CIMIP2C: variants seen among roughly 807,000 people sequenced by gnomAD.
The protein encoded by CIMIP2C is ciliary microtubule inner protein 2C, also known as UPF0573 protein C2orf70.
At chr2:26,568,950 G>T in the CIMIP2C span, among the ~76,000 whole-genome samples, 1 of 151,576 alleles carries the variant, frequency 6.6e-6, no homozygotes, top group Non-Finnish European at 1.5e-5. Flanking sequence ...GAACCCGGGA[G>T]ATGGAGGTTG....
At chr2:26,575,793 G>T in the CIMIP2C span, 1 of 1,350,254 alleles carries the variant, frequency 7.4e-7, no homozygotes, top group Non-Finnish European at 1.0e-6. Flanking sequence ...CAACATGCTG[G>T]GATTACAGGC....
the CIMIP2C span, among the ~76,000 whole-genome samples, chr2:26,568,850 G>A: frequency 3.3e-5 from 5 of 151,930 alleles, no homozygotes; most frequent in Non-Finnish European, 5.9e-5. Context: ...GCAAAACCCC[G>A]TCTCTACTAA....
chr2:26,572,732 T>G, the CIMIP2C span, among the ~76,000 whole-genome samples: 1 of 152,056 alleles, frequency 6.6e-6, no homozygotes, highest in Admixed American at 6.6e-5. Context: ...GCCGGCCTCC[T>G]CCCCACGGGC....
the CIMIP2C span, chr2:26,577,565 C>T: frequency 6.2e-7 from 1 of 1,614,158 alleles, no homozygotes; most frequent in Admixed American, 1.7e-5. Context: ...GGCACAGTGC[C>T]TCGAGTCCCC....
At chr2:26,574,922 G>A in the CIMIP2C span, among the ~76,000 whole-genome samples, 6 of 152,220 alleles carry the variant, frequency 3.9e-5, no homozygotes, top group Non-Finnish European at 5.9e-5. Context: ...TCAGACCCCA[G>A]AGAGTGAGGC....
the CIMIP2C span, among the ~76,000 whole-genome samples, chr2:26,566,350 C>T: frequency 6.6e-6 from 1 of 152,226 alleles, no homozygotes; most frequent in African/African-American, 2.4e-5. Context: ...CAGTGCGTTC[C>T]ACTCCATTGT....
the CIMIP2C span, among the ~76,000 whole-genome samples, chr2:26,571,031 G>A: frequency 6.6e-6 from 1 of 152,142 alleles, no homozygotes; most frequent in Non-Finnish European, 1.5e-5. Context: ...ACTGGAGGAA[G>A]AGCAGTTTCA....
At chr2:26,564,620 G>A in the CIMIP2C span, among the ~76,000 whole-genome samples, 1 of 152,168 alleles carries the variant, frequency 6.6e-6, no homozygotes, top group East Asian at 1.9e-4. Flanking sequence ...GTTTCCAAAT[G>A]CTACCTCGTT....
the CIMIP2C span, chr2:26,579,326 T>A: frequency 2.9e-5 from 46 of 1,613,948 alleles, no homozygotes; most frequent in Non-Finnish European, 3.6e-5. Flanking sequence ...AAGTGGCACC[T>A]TTTAAGACTA....
chr2:26,569,379 G>A, the CIMIP2C span, among the ~76,000 whole-genome samples: 1 of 152,182 alleles, frequency 6.6e-6, no homozygotes, highest in African/African-American at 2.4e-5. Context: ...CTGGCGCGGA[G>A]GGACTGACAC....
chr2:26,565,015 T>TTTC, the CIMIP2C span, among the ~76,000 whole-genome samples: 51 of 150,096 alleles, frequency 3.4e-4, no homozygotes, highest in East Asian at 6.1e-3. Flanking sequence ...TTCACAACAT[T>TTTC]TTCTTCTTCT....
the CIMIP2C span, among the ~76,000 whole-genome samples, chr2:26,564,984 A>T: frequency 1.3e-5 from 2 of 152,128 alleles, no homozygotes; most frequent in Admixed American, 6.5e-5. Flanking sequence ...CCAACTATGT[A>T]CCAGGCACTG....
the CIMIP2C span, chr2:26,562,673 G>A: frequency 3.8e-6 from 6 of 1,576,940 alleles, no homozygotes; most frequent in Non-Finnish European, 5.2e-6. Flanking sequence ...CGTGCCCCCT[G>A]GACTCATGCC....
the CIMIP2C span, among the ~76,000 whole-genome samples, chr2:26,570,776 T>C: frequency 0.13 from 19,978 of 152,190 alleles, 1,619 homozygotes; most frequent in Non-Finnish European, 0.19. Flanking sequence ...GCTCTGGTGC[T>C]GTATGGACAG....
At chr2:26,576,839 A>T in the CIMIP2C span, among the ~76,000 whole-genome samples, 3 of 152,208 alleles carry the variant, frequency 2.0e-5, no homozygotes, top group African/African-American at 7.2e-5. Context: ...ATCCCCAGAG[A>T]CCACAGGTGC....
chr2:26,568,237 A>G, the CIMIP2C span, among the ~76,000 whole-genome samples: 2 of 152,156 alleles, frequency 1.3e-5, no homozygotes, highest in Non-Finnish European at 2.9e-5. Context: ...CTATCCCCCC[A>G]GGAGGCAGCC....
At chr2:26,563,282 G>A in the CIMIP2C span, among the ~76,000 whole-genome samples, 1 of 152,238 alleles carries the variant, frequency 6.6e-6, no homozygotes, top group African/African-American at 2.4e-5. Context: ...TTCTTGGAAA[G>A]CTTCCTGGCC....
At chr2:26,569,548 T>C in the CIMIP2C span, among the ~76,000 whole-genome samples, 3 of 152,184 alleles carry the variant, frequency 2.0e-5, no homozygotes, top group Non-Finnish European at 4.4e-5. Context: ...GGTTAATCAG[T>C]TAATAAGGTT....
At chr2:26,578,608 C>A in the CIMIP2C span, 1 of 362,392 alleles carries the variant, frequency 2.8e-6, no homozygotes, top group Non-Finnish European at 5.6e-6. Context: ...ACCTCTAGGA[C>A]TCGGGGGCTC....
Sources: allele counts gnomAD v4.1 joint callset (sites outside exome capture counted in the v4.1 genomes callset), GRCh38; gene constraint gnomAD v4.1.1; transcripts MANE v1.5; gene names NCBI Gene and HGNC (gene_info 2026-07-23, HGNC 2026-07-21).